The following AKAP19 variants were observed in gnomAD, a reference collection of about 807,000 sequenced individuals.
The protein encoded by AKAP19 is A-kinase anchoring protein 19, also known as small A-kinase anchoring protein.
chr2:190,008,742 A>G, the AKAP19 span, among the ~76,000 whole-genome samples: 390 of 79,804 alleles, frequency 4.9e-3, 4 homozygotes, highest in African/African-American at 0.015. Context: ...ACACACACAC[A>G]CACACACACA....
the AKAP19 span, chr2:190,091,075 A>G: frequency 6.6e-6 from 1 of 152,380 alleles, no homozygotes; most frequent in African/African-American, 2.4e-5. Context: ...TAACACATTA[A>G]TAGAAGAACC....
the AKAP19 span, chr2:190,201,161 C>T: frequency 6.0e-6 from 1 of 166,934 alleles, no homozygotes; most frequent in Non-Finnish European, 1.5e-5. Flanking sequence ...TTAGTGGTAA[C>T]ACAAGCCTAT....
At chr2:190,154,880 C>G in the AKAP19 span, among the ~76,000 whole-genome samples, 14 of 152,182 alleles carry the variant, frequency 9.2e-5, no homozygotes, top group African/African-American at 3.1e-4. Flanking sequence ...TGTGTAAGAG[C>G]TAACTGGGGA....
the AKAP19 span, among the ~76,000 whole-genome samples, chr2:189,937,782 A>G: frequency 6.6e-6 from 1 of 152,222 alleles, no homozygotes; most frequent in Admixed American, 6.5e-5. Flanking sequence ...GGATATGAAG[A>G]AAAGGGAACC....
the AKAP19 span, among the ~76,000 whole-genome samples, chr2:189,894,100 T>C: frequency 6.6e-6 from 1 of 152,150 alleles, no homozygotes; most frequent in Non-Finnish European, 1.5e-5. Flanking sequence ...GTTTACCAAA[T>C]ATATATCCTT....
At chr2:190,048,776 C>T in the AKAP19 span, among the ~76,000 whole-genome samples, 2 of 152,042 alleles carry the variant, frequency 1.3e-5, no homozygotes, top group African/African-American at 4.8e-5. Flanking sequence ...TAGGAGATGT[C>T]CATTGGGCAT....
chr2:190,015,201 G>T, the AKAP19 span, among the ~76,000 whole-genome samples: 1,735 of 152,316 alleles, frequency 0.011, 39 homozygotes, highest in African/African-American at 0.04. Context: ...CTTAGCAGAG[G>T]TTCTCCGTGA....
the AKAP19 span, among the ~76,000 whole-genome samples, chr2:190,198,631 C>CAAAAA: frequency 4.3e-5 from 3 of 70,588 alleles, no homozygotes; most frequent in African/African-American, 1.1e-4. Flanking sequence ...GACCCTGTCT[C>CAAAAA]AAAAAAAAAA....
chr2:190,013,772 C>T, the AKAP19 span, among the ~76,000 whole-genome samples: 1 of 152,230 alleles, frequency 6.6e-6, no homozygotes, highest in Admixed American at 6.5e-5. Context: ...CCCACCTCGG[C>T]CTCCCAAAGT....
the AKAP19 span, among the ~76,000 whole-genome samples, chr2:190,044,329 G>T: frequency 6.6e-6 from 1 of 152,152 alleles, no homozygotes; most frequent in African/African-American, 2.4e-5. Flanking sequence ...AGTGCAATCA[G>T]CCCAGAATGG....
At chr2:189,888,941 C>G in the AKAP19 span, among the ~76,000 whole-genome samples, 1 of 152,050 alleles carries the variant, frequency 6.6e-6, no homozygotes, top group Non-Finnish European at 1.5e-5. Context: ...CTTTCTTTCT[C>G]TTGCCTGATT....
the AKAP19 span, among the ~76,000 whole-genome samples, chr2:189,978,804 C>T: frequency 1.1e-4 from 17 of 151,728 alleles, no homozygotes; most frequent in Admixed American, 4.6e-4. Flanking sequence ...AAGCTGAGAA[C>T]GAAATAAATA....
the AKAP19 span, among the ~76,000 whole-genome samples, chr2:190,007,653 A>G: frequency 6.6e-6 from 1 of 152,192 alleles, no homozygotes; most frequent in Non-Finnish European, 1.5e-5. Context: ...AAGGAAGGAA[A>G]GCATTAATAA....
At chr2:189,928,418 C>G in the AKAP19 span, among the ~76,000 whole-genome samples, 1 of 151,388 alleles carries the variant, frequency 6.6e-6, no homozygotes, top group Non-Finnish European at 1.5e-5. Flanking sequence ...GACTATAATA[C>G]TTGATGACAT....
the AKAP19 span, among the ~76,000 whole-genome samples, chr2:190,108,123 G>T: frequency 2.6e-5 from 4 of 152,158 alleles, no homozygotes; most frequent in East Asian, 7.7e-4. Context: ...TTATATAAAG[G>T]TTGTTAAATT....
chr2:190,163,461 A>C, the AKAP19 span, among the ~76,000 whole-genome samples: 13 of 150,816 alleles, frequency 8.6e-5, no homozygotes, highest in East Asian at 3.9e-4. Context: ...AAAACAAAAA[A>C]AAAAAAAACT....
chr2:190,126,818 A>G, the AKAP19 span, among the ~76,000 whole-genome samples: 1 of 152,170 alleles, frequency 6.6e-6, no homozygotes, highest in Non-Finnish European at 1.5e-5. Context: ...AGGCATAAAT[A>G]AAAGACATCA....
chr2:190,089,057 G>A, the AKAP19 span, among the ~76,000 whole-genome samples: 6 of 152,130 alleles, frequency 3.9e-5, no homozygotes, highest in Admixed American at 1.3e-4. Flanking sequence ...TAGCCACATC[G>A]AGCTTTGAGT....
the AKAP19 span, among the ~76,000 whole-genome samples, chr2:190,168,384 T>A: frequency 6.6e-6 from 1 of 152,178 alleles, no homozygotes; most frequent in African/African-American, 2.4e-5. Context: ...TGAGGGCCTC[T>A]GACATGCCCT....
Sources: allele counts gnomAD v4.1 joint callset (sites outside exome capture counted in the v4.1 genomes callset), GRCh38; gene constraint gnomAD v4.1.1; transcripts MANE v1.5; gene names NCBI Gene and HGNC (gene_info 2026-07-23, HGNC 2026-07-21).